Variants in ZNF713 observed in about 807,000 individuals in gnomAD.
ZNF713 encodes the protein zinc finger protein 713.
In ZNF713, 21 loss-of-function variants were observed where a neutral mutation model predicts 28.7. That is an observed-to-expected ratio of 0.73 (90% CI 0.52 to 1.05). The LOEUF (loss-of-function observed/expected upper bound fraction) is 1.05. Ranked by LOEUF, ZNF713 falls within the 50% of genes least tolerant of loss-of-function variation. The probability of loss-of-function intolerance (pLI) is 0.00; values close to 1 mark genes in which losing one functional copy is unlikely to be tolerated. For missense variants in ZNF713, 458 were observed against 532.4 expected (o/e 0.86, Z 1.37); for synonymous variants, 167 against 178.0 (o/e 0.94, Z 0.49).
chr7:55,900,180 TGTG>T (rs759351028), intron 1 of ZNF713, among the ~76,000 whole-genome samples: 159 of 152,136 alleles, frequency 1.0e-3, no homozygotes, highest in Non-Finnish European at 1.6e-3. Context: ...ATTTTAAAAA[TGTG>T]GTGGCCGGGC....
Position 55,940,219 on chromosome 7 carries a change from T to C in ZNF713, c.*213T>C. On this transcript the variant is annotated 3_prime_UTR_variant, in exon 7 of 7. Transcript: ENST00000429591. Reference sequence around the variant, plus strand: ...CTCACTGCAACCTCTGCCACCTGGGTTCAAGCGATTCTCCTGCCTCAGCCT... The same window carrying C: ...CTCACTGCAACCTCTGCCACCTGGGCTCAAGCGATTCTCCTGCCTCAGCCT... 2 of 792,850 alleles carry C rather than the reference T, an allele frequency of 2.5e-6. No individual in the cohort carries two copies. Among genetic ancestry groups the C allele is most frequent in the Admixed American group, 7.7e-5 (2 of 26,050 alleles). 49.1% of individuals were successfully genotyped at this position (792,850 alleles called of 1,614,324 possible).
Position 55,923,221 on chromosome 7 carries a change from G to T in ZNF713, c.147G>T (p.Leu49=), listed in dbSNP as rs1418202263. 1.2e-6 allele frequency: 2 copies of T among 1,613,968 alleles called. No homozygotes were observed. Among genetic ancestry groups the T allele is most frequent in the South Asian group, 2.2e-5 (2 of 91,052 alleles). ...VDFTREEWDQ[L]YPAQKNLYRD... The stretch of plus-strand genomic sequence containing the variant: ...TCACCAGAGAGGAGTGGGACCAGCT[G>T]TACCCTGCCCAAAAGAACCTCTATC... The change falls in exon 5 of 7, where the codon CTG becomes CTT. Residue 49 remains leucine (L), a synonymous_variant. Transcript: ENST00000429591.
chr7:55,913,623 C>G (rs976198931), intron 4 of ZNF713, among the ~76,000 whole-genome samples: 9 of 152,270 alleles, frequency 5.9e-5, no homozygotes, highest in Non-Finnish European at 7.4e-5. Flanking sequence ...AATGCTGTCA[C>G]TTTTTAAAAA....
intron 4 of ZNF713, among the ~76,000 whole-genome samples, chr7:55,914,434 A>G (rs1004195222): frequency 6.6e-6 from 1 of 152,138 alleles, no homozygotes; most frequent in Non-Finnish European, 1.5e-5. Context: ...GGCTCAAGCC[A>G]TCCTCCCACC....
intron 6 of ZNF713, among the ~76,000 whole-genome samples, chr7:55,932,890 C>CAAAAAAAAAAAAAAAAAA (rs61092452): frequency 6.3e-5 from 3 of 47,796 alleles, no homozygotes; most frequent in African/African-American, 2.7e-4. Context: ...GACTCCGTCT[C>CAAAAAAAAAAAAAAAAAA]AAAAAAAAAA....
At chr7:55,898,780 C>T (rs1785519140) in intron 1 of ZNF713, among the ~76,000 whole-genome samples, 1 of 151,396 alleles carries the variant, frequency 6.6e-6, no homozygotes, top group Non-Finnish European at 1.5e-5. Context: ...TTCTCATTCA[C>T]AAAAAATTAA....
chr7:55,923,183 G>A lies in ZNF713; in HGVS notation c.109G>A (p.Val37Met). Residue 37 changes from valine to methionine, a missense_variant, in exon 5 of 7, where the codon GTG becomes ATG. Transcript: ENST00000429591. ...TCAGGAATCACTGACGTTTCAGGAT[G>A]TGGCCGTGGACTTCACCAGAGAGGA... ...RSQESLTFQD[V>M]AVDFTREEWD... is the part of the protein sequence containing the mutation. The A allele has an allele frequency of 6.2e-7, 1 of 1,612,796 alleles. No homozygotes were observed. Among genetic ancestry groups the A allele is most frequent in the Non-Finnish European group, 8.5e-7 (1 of 1,179,470 alleles).
At chr7:55,917,899 T>C (rs1785915331) in intron 4 of ZNF713, 1 of 345,980 alleles carries the variant, frequency 2.9e-6, no homozygotes, top group African/African-American at 2.1e-5. Flanking sequence ...GTATAACATA[T>C]TCTGTTGGCA....
chr7:55,906,499 A>G (rs1785682100), intron 2 of ZNF713, 120 bp downstream of exon 2: 1 of 152,192 alleles, frequency 6.6e-6, no homozygotes, highest in Non-Finnish European at 1.5e-5. Flanking sequence ...GTCTTTGCAC[A>G]GGAGATTCAG....
At position 55,906,252 on chromosome 7, in the gene ZNF713, G is replaced by A. The variant is rs2116200081; in HGVS notation, c.-582-1G>A. On this transcript the variant is annotated splice_acceptor_variant, in intron 1 of 6. Coordinates refer to ENST00000429591, the MANE Select transcript of ZNF713 (RefSeq NM_182633.3). LOFTEE classifies it low-confidence loss of function (5UTR_SPLICE). ...ACTTTGCCTCAACTTCTTCCTTTTAGGTCAACATACCTGGCCTAAGGAGGC... is the reference window on the plus strand; with the variant it reads ...ACTTTGCCTCAACTTCTTCCTTTTAAGTCAACATACCTGGCCTAAGGAGGC... The A allele has an allele frequency of 6.6e-6, 1 of 152,216 alleles. No individual in the cohort carries two copies. Among genetic ancestry groups the A allele is most frequent in the South Asian group, 2.1e-4 (1 of 4,824 alleles). 9.4% of individuals were successfully genotyped at this position (152,216 alleles called of 1,614,324 possible). A position where few individuals can be genotyped will look rare whatever the true frequency, so the allele number is the denominator to read the frequency against.
intron 3 of ZNF713, 109 bp from the exon 4 acceptor site, chr7:55,912,526 C>T: frequency 1.4e-6 from 1 of 733,244 alleles, no homozygotes; most frequent in Non-Finnish European, 2.3e-6. Flanking sequence ...AGGCTTATGT[C>T]TTAGAGGGCT....
rs1436546895 is a variant in ZNF713 at position 55,887,874 on chromosome 7, C to CG, written c.-583+196dup. ...GGCGGCGGGCGGCGGGCGGCGGCGG[C>CG]GGCGGCGGCGGCGGGCGGCGGCGGC... is the stretch of plus-strand genomic sequence containing the variant. On this transcript the variant is annotated intron_variant, in intron 1 of 6. Transcript: ENST00000429591. 7.0e-3 allele frequency among the ~76,000 whole-genome samples: 55 copies of CG among 7,836 alleles called. 13 individuals carry two copies. The highest frequency in any genetic ancestry group is 0.053 in the African/African-American group (47 of 882). The allele number at this position is 7,836 out of a possible 152,430, so 5.1% of individuals were successfully genotyped here.
intron 1 of ZNF713, among the ~76,000 whole-genome samples, chr7:55,901,009 G>C (rs2116186265): frequency 6.6e-6 from 1 of 152,262 alleles, no homozygotes; most frequent in Admixed American, 6.5e-5. Flanking sequence ...TAAAAGAGTA[G>C]ATTTTAAATG....
chr7:55,932,853 C>T (rs1298945599), intron 6 of ZNF713, among the ~76,000 whole-genome samples: 1 of 126,936 alleles, frequency 7.9e-6, no homozygotes, highest in Non-Finnish European at 1.6e-5. Flanking sequence ...CACTGCAGTC[C>T]GCAGTCCGGC....
intron 1 of ZNF713, among the ~76,000 whole-genome samples, chr7:55,901,549 T>G (rs181073080): frequency 1.6e-4 from 24 of 152,346 alleles, no homozygotes; most frequent in African/African-American, 4.3e-4. Flanking sequence ...TACCAGTGTC[T>G]AGTAGTTTAA....
chr7:55,922,797 G>A (rs189679929), intron 4 of ZNF713, among the ~76,000 whole-genome samples: 28 of 152,224 alleles, frequency 1.8e-4, no homozygotes, highest in African/African-American at 6.3e-4. Flanking sequence ...TATAGGCACT[G>A]GGAAACCAAC....
In ZNF713 at chr7:55,939,490, T is replaced by C; in HGVS notation, c.816T>C (p.Ser272=). 2 of 1,614,136 alleles carry C rather than the reference T, an allele frequency of 1.2e-6. No individual in the cohort carries two copies. The highest frequency in any genetic ancestry group is 1.7e-6 in the Non-Finnish European group (2 of 1,180,020). Residue 272 remains serine, a synonymous_variant, in exon 7 of 7, where the codon TCT becomes TCC. Coordinates refer to ENST00000429591, the MANE Select transcript of ZNF713 (RefSeq NM_182633.3). ...ECGKAFSHTS[S]LSQPQMLLTG... The stretch of plus-strand genomic sequence containing the variant: ...GGAAGGCCTTCAGCCACACCTCATC[T>C]CTTAGCCAGCCTCAGATGTTGCTTA...
At chr7:55,888,611 C>T (rs1249387686) in intron 1 of ZNF713, among the ~76,000 whole-genome samples, 2 of 151,972 alleles carry the variant, frequency 1.3e-5, no homozygotes, top group African/African-American at 2.4e-5. Flanking sequence ...GGTCTCTGAG[C>T]GCAAGTGATC....
At position 55,919,490 on chromosome 7, in the gene ZNF713, G is replaced by GTTTTTTTTGTT. The variant is rs1785945405; in HGVS notation, c.88-3664_88-3663insGTTTTTTTTTT. ...GCTGGATAAATTGGTAAACACTCCA[G>GTTTTTTTTGTT]TTTTTTTTTTTTTTTTTTTTTTTTT... On this transcript the variant is annotated intron_variant, in intron 4 of 6. Coordinates refer to ENST00000429591, the MANE Select transcript of ZNF713 (RefSeq NM_182633.3). Among the ~76,000 whole-genome samples, 19 of 66,774 alleles carry GTTTTTTTTGTT rather than the reference G, an allele frequency of 2.8e-4. 4 individuals are homozygous for GTTTTTTTTGTT. Among genetic ancestry groups the GTTTTTTTTGTT allele is most frequent in the Admixed American group, 9.1e-4 (5 of 5,522 alleles). The allele number at this position is 66,774 out of a possible 152,430, so 43.8% of individuals were successfully genotyped here.
Sources: gnomAD v4.1 joint callset for allele counts (sites outside exome capture counted in the v4.1 genomes callset) on GRCh38, gnomAD v4.1.1 for gene constraint, MANE v1.5 for transcripts, NCBI Gene and HGNC (gene_info 2026-07-23, HGNC 2026-07-21) for gene names.